BAIAP3: variants seen among roughly 807,000 people sequenced by gnomAD.
The protein encoded by BAIAP3 is BAI1-associated protein 3.
Under a neutral mutation model 149.7 loss-of-function variants are expected in BAIAP3, and 180 were observed. The ratio of observed to expected loss-of-function variants is 1.20; its 90% CI spans 1.07 to 1.36. The LOEUF is 1.36. Among genes scored for constraint, BAIAP3 ranks in the 40% most tolerant of loss-of-function variants. The probability of loss-of-function intolerance (pLI) is 0.00; values close to 1 mark genes in which losing one functional copy is unlikely to be tolerated. For synonymous variants in BAIAP3, 845 were observed against 670.7 expected (o/e 1.26, Z -4.02); for missense variants, 1,767 against 1,563.4 (o/e 1.13, Z -2.20).
chr16:1,338,570 T>G lies in BAIAP3; in HGVS notation c.21T>G (p.Ile7Met). The change falls in exon 2 of 34, where the codon ATT becomes ATG. Residue 7 changes from isoleucine (I) to methionine (M), a missense_variant. By Grantham distance (10) the Ile-to-Met change is conservative. Transcript: ENST00000426824. MSTLLD[I>M]KSSVLRQVQV... The stretch of plus-strand genomic sequence containing the variant: ...CCGCCATGTCGACCTTGCTGGACAT[T>G]AAGAGCAGCGTGCTCAGGCAGGTGC... 1 of 1,610,206 alleles carries G rather than the reference T, an allele frequency of 6.2e-7. No homozygotes were observed. Among genetic ancestry groups the G allele is most frequent in the Non-Finnish European group, 8.5e-7 (1 of 1,178,864 alleles).
chr16:1,342,871 G>A, intron 13 of BAIAP3, 42 bp from the exon 14 acceptor site: 1 of 1,612,018 alleles, frequency 6.2e-7, no homozygotes, highest in East Asian at 2.2e-5. Context: ...GAGGGGATGT[G>A]GGGCTGTCCC....
rs201437538 is a variant in BAIAP3, at chr16:1,344,918, C to T, written c.1810-51C>T. ...AGTGGGCAGATGCCCTTGGCTAGGA[C>T]GGTCCTGGGATTCCTTGCTGCTGGA... On this transcript the variant is annotated intron_variant, in intron 20 of 33. Transcript: ENST00000426824. 448 of 1,613,406 alleles carry T rather than the reference C, an allele frequency of 2.8e-4. 1 individual carries two copies. The highest frequency in any genetic ancestry group is 3.5e-4 in the Non-Finnish European group (416 of 1,179,956).
At position 1,346,263 on chromosome 16, in the gene BAIAP3, G is replaced by T. The variant is rs539418901; in HGVS notation, c.2395G>T (p.Glu799Ter). 6 of 1,610,436 alleles carry T rather than the reference G, an allele frequency of 3.7e-6. No individual in the cohort carries two copies. The highest frequency in any genetic ancestry group is 8.5e-7 in the Non-Finnish European group (1 of 1,178,694). The change falls in exon 25 of 34, where the codon GAG (glutamate) becomes TAG (stop). Residue 799 changes from glutamate (E) to a stop codon, truncating the protein, a stop_gained. Coordinates refer to ENST00000426824, the MANE Select transcript of BAIAP3 (RefSeq NM_001199097.2). LOFTEE classifies it high-confidence loss of function. ...ATGGCCAGAGGGGGCCACGGGGCCC[G>T]AGGGGGTGCTCCCCCGCCCTCTGCT... ...LAWPEGATGP[E>*]GVLPRPLLSC... is the part of the protein sequence containing the mutation.
rs1132358 is a variant in BAIAP3, at chr16:1,347,814, C to T, written c.3018C>T (p.Asp1006=). The part of the protein sequence containing the change: ...VLHAADLLPL[D]ANGLSDPFVI... ...ACGCCGCGGACCTGCTCCCCCTGGA[C>T]GCCAACGGTGAGTTGCAGCGGGGAC... Residue 1006 remains aspartate, a synonymous_variant, in exon 31 of 34, where the codon GAC becomes GAT. Coordinates refer to ENST00000426824, the MANE Select transcript of BAIAP3 (RefSeq NM_001199097.2). 703,040 of 1,603,028 alleles carry T rather than the reference C, an allele frequency of 0.44. 159,219 individuals are homozygous for T. The highest frequency in any genetic ancestry group is 0.61 in the Admixed American group (36,633 of 59,668).
chr16:1,342,971 T>C lies in BAIAP3; in HGVS notation c.1220T>C (p.Leu407Pro), dbSNP rs1281288533. Residue 407 changes from leucine to proline, a missense_variant, in exon 14 of 34, where the codon CTG (leucine) becomes CCG (proline). Coordinates refer to ENST00000426824, the MANE Select transcript of BAIAP3 (RefSeq NM_001199097.2). Reference protein sequence around the residue: ...LSTPAATILCLHGAQSNLSPL... With the variant: ...LSTPAATILCPHGAQSNLSPL... ...ACACCAGCCGCCACCATCCTCTGCC[T>C]GCACGGAGCCCAGAGCAACCTGTCA... 1 of 1,611,268 alleles carries C rather than the reference T, an allele frequency of 6.2e-7. No individual in the cohort carries two copies.
rs960713005 is a variant in BAIAP3, at chr16:1,349,234, A to G, written c.*752A>G. On this transcript the variant is annotated 3_prime_UTR_variant, in exon 34 of 34. Coordinates refer to ENST00000426824, the MANE Select transcript of BAIAP3 (RefSeq NM_001199097.2). ...GCCCAGTGTGAAAAACAGACTCACA[A>G]GGGGCTTCTTGGCCTGCAGCTTCAT... 1.6e-5 allele frequency: 10 copies of G among 645,098 alleles called. No individual in the cohort carries two copies. Among genetic ancestry groups the G allele is most frequent in the Admixed American group, 8.3e-5 (3 of 36,254 alleles). The allele number at this position is 645,098 out of a possible 1,614,324, so 40.0% of individuals were successfully genotyped here. A position where few individuals can be genotyped will look rare whatever the true frequency, so the allele number is the denominator to read the frequency against.
intron 15 of BAIAP3, among the ~76,000 whole-genome samples, chr16:1,343,780 G>GC (rs2034101626): frequency 6.6e-6 from 1 of 152,250 alleles, no homozygotes; most frequent in Non-Finnish European, 1.5e-5. Flanking sequence ...GGAGGGAGCG[G>GC]CCCTGGCAGG....
intron 14 of BAIAP3, 44 bp downstream of exon 14, chr16:1,343,060 G>A (rs1052855380): frequency 7.7e-6 from 12 of 1,560,068 alleles, no homozygotes; most frequent in Non-Finnish European, 9.5e-6. Context: ...GTGGGCGGGC[G>A]TGAGCGAGTG....
intron 9 of BAIAP3, 44 bp from the exon 10 acceptor site, chr16:1,341,942 G>T: frequency 6.3e-7 from 1 of 1,583,952 alleles, no homozygotes; most frequent in Non-Finnish European, 8.6e-7. Context: ...TCAGGGCCCG[G>T]CTGCGGGCTC....
Position 1,345,747 on chromosome 16 carries a change from C to G in BAIAP3, c.2065C>G (p.Leu689Val), listed in dbSNP as rs746694866. 6.5e-7 allele frequency: 1 copy of G among 1,536,220 alleles called. No individual in the cohort carries two copies. The highest frequency in any genetic ancestry group is 2.4e-5 in the East Asian group (1 of 41,428). ...AACCCAGCCTCCCCTGCCTCCCTAG[C>G]TGGAGCCCGTGGACGCCTCCTCCAG... is the stretch of plus-strand genomic sequence containing the variant. ...RLQGAVDMDT[L>V]EPVDASSRHS... is the part of the protein sequence containing the mutation. The change falls in exon 23 of 34, where the codon CTG (leucine) becomes GTG (valine). Residue 689 changes from leucine (L) to valine (V), a missense_variant and splice_region_variant. Physicochemically the swap from Leu to Val is conservative, Grantham distance 32 (BLOSUM62 1). Transcript: ENST00000426824.
chr16:1,343,309 G>C, intron 14 of BAIAP3, 84 bp from the exon 15 acceptor site: 3 of 1,516,094 alleles, frequency 2.0e-6, no homozygotes, highest in African/African-American at 1.4e-5. Flanking sequence ...GTGGGGCAGA[G>C]AAAGGGGTAG....
intron 1 of BAIAP3, chr16:1,334,473 C>T: frequency 1.7e-6 from 1 of 602,244 alleles, no homozygotes; most frequent in Non-Finnish European, 2.9e-6. Flanking sequence ...GGGAGGGGGT[C>T]GGTGAGCAGA....
At chr16:1,335,744 C>T (rs945293781) in intron 1 of BAIAP3, among the ~76,000 whole-genome samples, 18 of 152,178 alleles carry the variant, frequency 1.2e-4, no homozygotes, top group Non-Finnish European at 2.4e-4. Flanking sequence ...TTATTGCACC[C>T]ATCCTAGCAA....
At chr16:1,341,723 G>C (rs1450644162) in intron 8 of BAIAP3, 99 bp from the exon 9 acceptor site, 3 of 1,346,238 alleles carry the variant, frequency 2.2e-6, no homozygotes, top group South Asian at 1.4e-5. Context: ...TGGAGAGCGG[G>C]TGCTTGTGGC....
Position 1,342,247 on chromosome 16 carries a change from C to G in BAIAP3, c.921C>G (p.Thr307=), listed in dbSNP as rs145036461. 19 of 1,612,440 alleles carry G rather than the reference C, an allele frequency of 1.2e-5. No individual in the cohort carries two copies. The African/African-American group carries it at 2.0e-4, about 17-fold the overall frequency. The change falls in exon 11 of 34, where the codon ACC becomes ACG. Residue 307 remains threonine (T), a synonymous_variant. Coordinates refer to ENST00000426824, the MANE Select transcript of BAIAP3 (RefSeq NM_001199097.2). ...CAGCAGGACCCACCGAGGACCACAC[C>G]GATGACTTCCTGGGGTGCCTCAACA... The part of the protein sequence containing the change: ...NGTAGPTEDH[T]DDFLGCLNIP...
rs921366549 is a variant in BAIAP3 at position 1,348,178 on chromosome 16, G to T, written c.3232G>T (p.Asp1078Tyr). ...GGACCACGACTGGCTGTCCACCAACGACTTCGCTGGGGAGGCGGCCCTCGG... is the reference window on the plus strand; with the variant it reads ...GGACCACGACTGGCTGTCCACCAACTACTTCGCTGGGGAGGCGGCCCTCGG... ...VMDHDWLSTN[D>Y]FAGEAALGLG... Residue 1078 changes from aspartate (D) to tyrosine (Y), a missense_variant, in exon 33 of 34, where the codon GAC (aspartate) becomes TAC (tyrosine). Asp to Tyr is a radical substitution (Grantham distance 160). Coordinates refer to ENST00000426824, the MANE Select transcript of BAIAP3 (RefSeq NM_001199097.2). 15 of 1,609,070 alleles carry T rather than the reference G, an allele frequency of 9.3e-6. No individual in the cohort carries two copies. The African/African-American group carries it at 1.9e-4, about 20-fold the overall frequency.
At chr16:1,342,491 G>A (rs765003607) in intron 11 of BAIAP3, 36 bp from the exon 12 acceptor site, 27 of 1,522,376 alleles carry the variant, frequency 1.8e-5, no homozygotes, top group Non-Finnish European at 2.4e-5. Context: ...GGGAGGGGGA[G>A]GAGTCTGGTG....
chr16:1,348,006 A>G lies in BAIAP3; in HGVS notation c.3138A>G (p.Glu1046=), dbSNP rs778151067. The part of the protein sequence containing the change: ...KTRTLHPVYD[E]LFYFSVPAEA... ...GGACGCTGCACCCTGTATACGACGA[A>G]CTCTTCTACTTGTGAGTGTCCTAAG... Residue 1046 remains glutamate (E), a synonymous_variant, in exon 32 of 34, where the codon GAA becomes GAG. Coordinates refer to ENST00000426824, the MANE Select transcript of BAIAP3 (RefSeq NM_001199097.2). 2 of 1,608,830 alleles carry G rather than the reference A, an allele frequency of 1.2e-6. No individual in the cohort carries two copies. Among genetic ancestry groups the G allele is most frequent in the South Asian group, 2.2e-5 (2 of 91,076 alleles).
At chr16:1,345,521 G>A (rs1429774853) in intron 22 of BAIAP3, 149 bp downstream of exon 22, 109 of 594,604 alleles carry the variant, frequency 1.8e-4, no homozygotes, top group Middle Eastern at 5.8e-4. Flanking sequence ...GGCCTCCTCC[G>A]CAACCCCAGC....
Sources: gnomAD v4.1 joint callset for allele counts (sites outside exome capture counted in the v4.1 genomes callset) on GRCh38, gnomAD v4.1.1 for gene constraint, MANE v1.5 for transcripts, NCBI Gene and HGNC (gene_info 2026-07-23, HGNC 2026-07-21) for gene names.